THSD7B: variants seen among roughly 807,000 people sequenced by gnomAD.
The protein encoded by THSD7B is thrombospondin type 1 domain containing 7B.
In THSD7B, 138 loss-of-function variants were observed where a neutral mutation model predicts 213.6. The observed-to-expected ratio is 0.65, with a 90% CI of 0.56 to 0.74. The LOEUF (loss-of-function observed/expected upper bound fraction) is 0.74, where lower values mean the gene tolerates loss of function less well. Among genes scored for constraint, THSD7B ranks in the 30% least tolerant of loss-of-function variants. THSD7B has a pLI of 0.00. For synonymous variants in THSD7B, 742 were observed against 687.0 expected (o/e 1.08, Z -1.25); for missense variants, 1,931 against 1,991.5 (o/e 0.97, Z 0.58).
rs547805049 is a variant in THSD7B, at chr2:137,414,574, C to A, written c.2959+2702C>A. Among the ~76,000 whole-genome samples the A allele has an allele frequency of 1.1e-4, 16 of 151,918 alleles. No individual in the cohort carries two copies. The East Asian group carries it at 2.3e-3, about 22-fold the overall frequency. ...CCTCTAGAAAAAATAAAAAATTAGC[C>A]AGGCATGGTAGCATGCATCTGTGGT... On this transcript the variant is annotated intron_variant, in intron 14 of 27. Coordinates refer to ENST00000409968, the MANE Select transcript of THSD7B (RefSeq NM_001316349.2).
In THSD7B at chr2:136,948,132, T is replaced by G. The variant is rs919085035; in HGVS notation, c.139+65815T>G. On this transcript the variant is annotated intron_variant, in intron 2 of 27. Transcript: ENST00000409968. ...GTATGTATGTTTTTTTTTAAATGAC[T>G]AAACCTAGCCTGGAGTGGGTGATAG... 3.3e-5 allele frequency among the ~76,000 whole-genome samples: 5 copies of G among 152,206 alleles called. No homozygotes were observed. The East Asian group carries it at 7.7e-4, about 23-fold the overall frequency.
At chr2:137,559,042 C>T (rs1681047814) in intron 15 of THSD7B, among the ~76,000 whole-genome samples, 1 of 152,126 alleles carries the variant, frequency 6.6e-6, no homozygotes, top group Admixed American at 6.5e-5. Context: ...GAACTACAAA[C>T]CACTGCTCAA....
chr2:137,398,826 C>T (rs996657447), intron 12 of THSD7B, among the ~76,000 whole-genome samples: 4 of 152,222 alleles, frequency 2.6e-5, no homozygotes, highest in South Asian at 2.1e-4. Flanking sequence ...ATTCCGTGGG[C>T]GTAGGACCCT....
In THSD7B at chr2:137,032,915, A is replaced by C. The variant is rs375275855; in HGVS notation, c.140-23505A>C. 9.2e-5 allele frequency among the ~76,000 whole-genome samples: 14 copies of C among 152,292 alleles called. No individual in the cohort carries two copies. In the South Asian group the frequency reaches 1.0e-3, roughly 11 times the overall value. On this transcript the variant is annotated intron_variant, in intron 2 of 27. Coordinates refer to ENST00000409968, the MANE Select transcript of THSD7B (RefSeq NM_001316349.2). ...ACCATACTGGATAGCTGGACTTTTCAAGGTTTTCAGATTATTTTCTTTATG... is the reference window on the plus strand; with the variant it reads ...ACCATACTGGATAGCTGGACTTTTCCAGGTTTTCAGATTATTTTCTTTATG...
intron 12 of THSD7B, among the ~76,000 whole-genome samples, chr2:137,355,652 A>G (rs2104926932): frequency 6.6e-6 from 1 of 152,316 alleles, no homozygotes; most frequent in Middle Eastern, 3.4e-3. Flanking sequence ...CTTCCCAAAG[A>G]GTTGCAAATA....
At chr2:136,943,635 T>C (rs1208553409) in intron 2 of THSD7B, among the ~76,000 whole-genome samples, 1 of 152,224 alleles carries the variant, frequency 6.6e-6, no homozygotes, top group Non-Finnish European at 1.5e-5. Context: ...CAGGAATTCA[T>C]CCATTTCTTC....
intron 3 of THSD7B, among the ~76,000 whole-genome samples, chr2:137,076,358 C>T (rs558471295): frequency 1.9e-4 from 29 of 152,308 alleles, no homozygotes; most frequent in African/African-American, 4.8e-4. Flanking sequence ...TAGCAATAAG[C>T]GAGACTCTGT....
intron 7 of THSD7B, among the ~76,000 whole-genome samples, chr2:137,195,787 G>T (rs113554200): frequency 6.6e-6 from 1 of 152,060 alleles, no homozygotes; most frequent in African/African-American, 2.4e-5. Context: ...ATTAAGTCAG[G>T]CAAGAATCAT....
intron 12 of THSD7B, among the ~76,000 whole-genome samples, chr2:137,340,849 C>T (rs1388703583): frequency 1.3e-5 from 2 of 151,722 alleles, no homozygotes; most frequent in East Asian, 3.9e-4. Flanking sequence ...AGGTTTACTT[C>T]ATAACTTGGC....
intron 15 of THSD7B, among the ~76,000 whole-genome samples, chr2:137,510,963 A>T (rs1679949723): frequency 6.6e-6 from 1 of 152,166 alleles, no homozygotes; most frequent in African/African-American, 2.4e-5. Context: ...ATACCTCAGT[A>T]TTTGTCACCA....
chr2:137,588,907 G>T (rs960413549), intron 17 of THSD7B, among the ~76,000 whole-genome samples: 1 of 152,034 alleles, frequency 6.6e-6, no homozygotes, highest in Non-Finnish European at 1.5e-5. Flanking sequence ...AGCCTCCTGA[G>T]TAGGTGGGAT....
At chr2:136,931,784 G>C (rs547252383) in intron 2 of THSD7B, among the ~76,000 whole-genome samples, 3 of 152,104 alleles carry the variant, frequency 2.0e-5, no homozygotes, top group African/African-American at 7.2e-5. Flanking sequence ...AAACCAAGAG[G>C]CAGTAAAAGT....
At chr2:137,202,401 A>G (rs962323371) in intron 7 of THSD7B, among the ~76,000 whole-genome samples, 11 of 152,156 alleles carry the variant, frequency 7.2e-5, no homozygotes, top group African/African-American at 2.7e-4. Flanking sequence ...AAGGAGGCAA[A>G]GAAGACAGAC....
At chr2:137,397,362 G>A (rs1574004927) in intron 12 of THSD7B, among the ~76,000 whole-genome samples, 1 of 152,058 alleles carries the variant, frequency 6.6e-6, no homozygotes, top group Middle Eastern at 3.4e-3. Flanking sequence ...CAGGCCTGGT[G>A]GTGACAAAAT....
chr2:137,244,652 C>A (rs1488327963), intron 10 of THSD7B, among the ~76,000 whole-genome samples: 1 of 152,116 alleles, frequency 6.6e-6, no homozygotes, highest in African/African-American at 2.4e-5. Flanking sequence ...GAAAATAGTT[C>A]TAAGTCTCTG....
chr2:137,610,198 G>A (rs1682262435), intron 17 of THSD7B, among the ~76,000 whole-genome samples: 1 of 152,042 alleles, frequency 6.6e-6, no homozygotes, highest in Non-Finnish European at 1.5e-5. Flanking sequence ...AAACCCCGAA[G>A]TAGATTTTTC....
chr2:136,849,068 A>G (rs1465247342), intron 1 of THSD7B, among the ~76,000 whole-genome samples: 1 of 152,160 alleles, frequency 6.6e-6, no homozygotes. Flanking sequence ...TTATTCAAAT[A>G]CATATGCAAT....
Position 137,287,090 on chromosome 2 carries a change from T to C in THSD7B, c.2500+11064T>C, listed in dbSNP as rs1683199485. On this transcript the variant is annotated intron_variant, in intron 12 of 27. Coordinates refer to ENST00000409968, the MANE Select transcript of THSD7B (RefSeq NM_001316349.2). Reference sequence around the variant, plus strand: ...TGATTATACCCCAATATTTTTGTATTATTTATTATTTTTGGGGAGAATTCT... The same window carrying C: ...TGATTATACCCCAATATTTTTGTATCATTTATTATTTTTGGGGAGAATTCT... Among the ~76,000 whole-genome samples, 3 of 152,190 alleles carry C rather than the reference T, an allele frequency of 2.0e-5. No individual in the cohort carries two copies. The South Asian group carries it at 6.3e-4, about 32-fold the overall frequency.
At chr2:137,274,802 A>T (rs914147831) in intron 11 of THSD7B, among the ~76,000 whole-genome samples, 56 of 152,092 alleles carry the variant, frequency 3.7e-4, no homozygotes, top group African/African-American at 1.3e-3. Context: ...ATGTATATCT[A>T]TGCATGTATA....
Sources: gnomAD v4.1 joint callset for allele counts (sites outside exome capture counted in the v4.1 genomes callset) on GRCh38, gnomAD v4.1.1 for gene constraint, MANE v1.5 for transcripts, NCBI Gene and HGNC (gene_info 2026-07-23, HGNC 2026-07-21) for gene names.